The following PRR16 variants were observed in gnomAD, a reference collection of about 807,000 sequenced individuals.
PRR16 encodes protein Largen.
PRR16 carries 6 observed loss-of-function variants against 18.2 expected under a neutral mutation model. That is an observed-to-expected ratio of 0.33 (90% CI 0.18 to 0.65). The LOEUF (loss-of-function observed/expected upper bound fraction) is 0.65. PRR16 is among the 30% of genes least tolerant of loss of function. PRR16 has a pLI of 0.74. For synonymous variants in PRR16, 151 were observed against 147.8 expected (o/e 1.02, Z -0.16); for missense variants, 412 against 376.6 (o/e 1.09, Z -0.78).
intron 1 of PRR16, among the ~76,000 whole-genome samples, chr5:120,491,410 G>A (rs1209417586): frequency 6.8e-6 from 1 of 146,976 alleles, no homozygotes; most frequent in Admixed American, 6.7e-5. Context: ...AGATCTAAAG[G>A]CATATACCCT....
At chr5:120,567,232 G>A (rs1187289572) in intron 1 of PRR16, among the ~76,000 whole-genome samples, 2 of 152,124 alleles carry the variant, frequency 1.3e-5, no homozygotes, top group Non-Finnish European at 2.9e-5. Context: ...TGCATGCCCA[G>A]TCTATGCCAC....
At chr5:120,662,043 T>C (rs755926866) in intron 1 of PRR16, among the ~76,000 whole-genome samples, 2 of 152,064 alleles carry the variant, frequency 1.3e-5, no homozygotes, top group Non-Finnish European at 2.9e-5. Flanking sequence ...TGGAGTGTAA[T>C]GGGCTATAGT....
At chr5:120,471,340 C>T (rs1749262968) in intron 1 of PRR16, among the ~76,000 whole-genome samples, 1 of 152,036 alleles carries the variant, frequency 6.6e-6, no homozygotes, top group African/African-American at 2.4e-5. Flanking sequence ...TGATACTTAG[C>T]ATTGTATATA....
At chr5:120,701,446 A>G in the PRR16 span, among the ~76,000 whole-genome samples, 4 of 152,204 alleles carry the variant, frequency 2.6e-5, no homozygotes, top group East Asian at 1.9e-4. Flanking sequence ...GGATAAAGAA[A>G]AAGGAGCATT....
chr5:120,725,346 T>G, the PRR16 span, among the ~76,000 whole-genome samples: 17 of 150,680 alleles, frequency 1.1e-4, no homozygotes, highest in Non-Finnish European at 2.5e-4. Context: ...ACCCAGAATC[T>G]GACACACAGC....
chr5:120,566,196 G>C (rs1752732019), intron 1 of PRR16, among the ~76,000 whole-genome samples: 1 of 152,148 alleles, frequency 6.6e-6, no homozygotes, highest in Non-Finnish European at 1.5e-5. Context: ...TGTTCAGTGT[G>C]CTGTCACTCT....
chr5:120,728,856 T>C, the PRR16 span, among the ~76,000 whole-genome samples: 2 of 152,306 alleles, frequency 1.3e-5, no homozygotes, highest in Non-Finnish European at 1.5e-5. Context: ...TATTTGAGAA[T>C]CTTACTGCAA....
intron 1 of PRR16, among the ~76,000 whole-genome samples, chr5:120,482,874 G>A (rs1189968968): frequency 6.6e-6 from 1 of 152,056 alleles, no homozygotes; most frequent in African/African-American, 2.4e-5. Context: ...TTTTTTCTTG[G>A]CAAGTATATT....
chr5:120,474,463 T>A (rs775000214), intron 1 of PRR16, among the ~76,000 whole-genome samples: 2 of 152,198 alleles, frequency 1.3e-5, no homozygotes, highest in Non-Finnish European at 2.9e-5. Context: ...TGAGAACTAC[T>A]GCTCTTGCTC....
At chr5:120,626,373 A>G (rs187990208) in intron 1 of PRR16, among the ~76,000 whole-genome samples, 144 of 152,290 alleles carry the variant, frequency 9.5e-4, no homozygotes, top group Non-Finnish European at 1.8e-3. Context: ...ACCAGATATA[A>G]AAGACTATAG....
At chr5:120,606,612 T>C (rs1002102391) in intron 1 of PRR16, among the ~76,000 whole-genome samples, 25 of 152,126 alleles carry the variant, frequency 1.6e-4, no homozygotes, top group African/African-American at 5.8e-4. Context: ...AGGACAAATG[T>C]GATAAACCAG....
chr5:120,540,779 A>T (rs1247692040), intron 1 of PRR16, among the ~76,000 whole-genome samples: 1 of 152,208 alleles, frequency 6.6e-6, no homozygotes, highest in African/African-American at 2.4e-5. Flanking sequence ...TAAATGGGTT[A>T]TAAGAACTCA....
intron 1 of PRR16, among the ~76,000 whole-genome samples, chr5:120,594,785 G>A (rs572185815): frequency 6.6e-5 from 10 of 151,996 alleles, no homozygotes; most frequent in Non-Finnish European, 1.5e-4. Flanking sequence ...ACAGAATAGA[G>A]AGCCCAGAAA....
At chr5:120,580,077 G>T (rs1330862798) in intron 1 of PRR16, among the ~76,000 whole-genome samples, 1 of 152,138 alleles carries the variant, frequency 6.6e-6, no homozygotes, top group African/African-American at 2.4e-5. Context: ...TTTGCACATT[G>T]ATTTTGTATC....
At chr5:120,744,700 A>G in the PRR16 span, among the ~76,000 whole-genome samples, 1 of 152,226 alleles carries the variant, frequency 6.6e-6, no homozygotes. Flanking sequence ...AACTTAGTCC[A>G]CATTTTCTAT....
chr5:120,676,397 T>A (rs1756797035), intron 1 of PRR16, among the ~76,000 whole-genome samples: 1 of 152,016 alleles, frequency 6.6e-6, no homozygotes, highest in Admixed American at 6.6e-5. Flanking sequence ...CGTTCCTGAA[T>A]TTGGACATGA....
intron 1 of PRR16, among the ~76,000 whole-genome samples, chr5:120,596,725 G>A (rs1428412294): frequency 2.0e-5 from 3 of 151,460 alleles, no homozygotes; most frequent in Non-Finnish European, 4.4e-5. Flanking sequence ...GTCCCTGCAT[G>A]TTAACCAAAT....
chr5:120,791,511 A>AG, the PRR16 span, among the ~76,000 whole-genome samples: 9 of 151,070 alleles, frequency 6.0e-5, no homozygotes, highest in Admixed American at 5.9e-4. Context: ...CATAATAATT[A>AG]GATTAAAAAA....
intron 1 of PRR16, among the ~76,000 whole-genome samples, chr5:120,668,081 G>T (rs773356041): frequency 9.9e-5 from 15 of 152,038 alleles, no homozygotes; most frequent in Non-Finnish European, 1.8e-4. Context: ...ATTATTGTGT[G>T]GGAGTCTAAG....
Sources: allele counts gnomAD v4.1 joint callset (sites outside exome capture counted in the v4.1 genomes callset), GRCh38; gene constraint gnomAD v4.1.1; transcripts MANE v1.5; gene names NCBI Gene and HGNC (gene_info 2026-07-23, HGNC 2026-07-21).